CCDC125: variants seen among roughly 807,000 people sequenced by gnomAD.
CCDC125 encodes the protein coiled-coil domain-containing protein 125.
CCDC125 carries 43 observed loss-of-function variants against 57.4 expected under a neutral mutation model. That is an observed-to-expected ratio of 0.75 (90% CI 0.59 to 0.97). CCDC125 has a LOEUF of 0.97. CCDC125 is among the 50% of genes least tolerant of loss of function. The pLI is 0.00. For synonymous variants in CCDC125, 187 were observed against 195.2 expected, an observed-to-expected ratio of 0.96 and a Z score of 0.35; for missense variants, 563 against 595.7, an observed-to-expected ratio of 0.95 and a Z score of 0.57.
At chr5:69,295,682 C>G (rs1755189719) in intron 8 of CCDC125, among the ~76,000 whole-genome samples, 1 of 152,196 alleles carries the variant, frequency 6.6e-6, no homozygotes, top group African/African-American at 2.4e-5. Flanking sequence ...AACCCCATGG[C>G]TGTTACATCT....
At chr5:69,300,604 G>C (rs1213063868) in intron 7 of CCDC125, among the ~76,000 whole-genome samples, 2 of 152,148 alleles carry the variant, frequency 1.3e-5, no homozygotes, top group African/African-American at 4.8e-5. Flanking sequence ...CTGGAGAGCA[G>C]AAAACAGTAT....
At chr5:69,329,304 C>G (rs9791036) in intron 1 of CCDC125, among the ~76,000 whole-genome samples, 54,141 of 151,828 alleles carry the variant, frequency 0.36, 10,644 homozygotes, top group East Asian at 0.5. Context: ...GCTGGGACTA[C>G]AGGCATGTGC....
At chr5:69,276,069 G>A (rs1016225931), downstream of CCDC125, among the ~76,000 whole-genome samples, 7 of 151,918 alleles carry the variant, frequency 4.6e-5, no homozygotes, top group Non-Finnish European at 7.4e-5. Context: ...TTGCTCTGTC[G>A]CCCAGGCTGG....
chr5:69,305,790 A>C (rs1279310698), intron 6 of CCDC125, among the ~76,000 whole-genome samples: 1 of 152,114 alleles, frequency 6.6e-6, no homozygotes, highest in African/African-American at 2.4e-5. Context: ...GGGTGCTAAA[A>C]GCTCAGGACC....
chr5:69,306,667 A>T lies in CCDC125; in HGVS notation c.617+150T>A, dbSNP rs1757378337. 8 of 915,288 alleles carry T rather than the reference A, an allele frequency of 8.7e-6. No individual in the cohort carries two copies. The South Asian group carries it at 3.5e-4, about 40-fold the overall frequency. The allele number at this position is 915,288 out of a possible 1,614,324, so 56.7% of individuals were successfully genotyped here. A position where few individuals can be genotyped will look rare whatever the true frequency, so the allele number is the denominator to read the frequency against. ...TATTTTTTTTCTTTAAGGAAAATTA[A>T]CACTAACAAAAATATGCGACTAGTA... On this transcript the variant is annotated intron_variant, in intron 6 of 11. Transcript: ENST00000396496.
chr5:69,289,470 AAC>A (rs1754043807), intron 10 of CCDC125, among the ~76,000 whole-genome samples: 3 of 152,332 alleles, frequency 2.0e-5, no homozygotes, highest in Non-Finnish European at 4.4e-5. Flanking sequence ...AAAATCACCT[AAC>A]CTGGATTGAA....
chr5:69,313,031 C>G (rs1476889816), intron 3 of CCDC125, among the ~76,000 whole-genome samples: 2 of 151,726 alleles, frequency 1.3e-5, no homozygotes, highest in South Asian at 2.1e-4. Context: ...TACAAGTCAG[C>G]AGCAAGGGAA....
intron 7 of CCDC125, among the ~76,000 whole-genome samples, chr5:69,303,020 T>C (rs1047209237): frequency 1.3e-5 from 2 of 152,092 alleles, no homozygotes; most frequent in Non-Finnish European, 2.9e-5. Context: ...TGCCACTGAA[T>C]TGTTAACTTA....
At chr5:69,313,811 C>T (rs1758551802) in intron 3 of CCDC125, 174 bp downstream of exon 3, 2 of 820,542 alleles carry the variant, frequency 2.4e-6, no homozygotes, top group Non-Finnish European at 4.4e-6. Flanking sequence ...TGAAGACTTA[C>T]ACAACTTCAT....
intron 1 of CCDC125, among the ~76,000 whole-genome samples, chr5:69,322,560 CAAA>C (rs1009387749): frequency 6.8e-6 from 1 of 147,736 alleles, no homozygotes; most frequent in Admixed American, 6.8e-5. Context: ...CCTGTCTCTA[CAAA>C]AAAAAAATTT....
chr5:69,299,547 C>T (rs1270096891), intron 8 of CCDC125, among the ~76,000 whole-genome samples: 1 of 152,200 alleles, frequency 6.6e-6, no homozygotes, highest in African/African-American at 2.4e-5. Flanking sequence ...GATTTTTGTT[C>T]TGAACCTGGC....
intron 9 of CCDC125, among the ~76,000 whole-genome samples, chr5:69,293,863 T>C (rs1220490509): frequency 6.6e-6 from 1 of 152,180 alleles, no homozygotes. Context: ...ACTGTATTTG[T>C]AAGTAAAGAC....
chr5:69,298,303 C>T (rs1448496923), intron 8 of CCDC125, among the ~76,000 whole-genome samples: 2 of 152,294 alleles, frequency 1.3e-5, no homozygotes, highest in South Asian at 2.1e-4. Context: ...CGTGAGCCAC[C>T]GCGCCCGGCC....
chr5:69,299,432 A>G (rs1320659809), intron 8 of CCDC125, among the ~76,000 whole-genome samples: 3 of 152,208 alleles, frequency 2.0e-5, no homozygotes, highest in South Asian at 2.1e-4. Flanking sequence ...CAAGAAGTGC[A>G]TGGCTGCCCC....
chr5:69,328,797 C>CTT (rs779295171), intron 1 of CCDC125, among the ~76,000 whole-genome samples: 5 of 144,092 alleles, frequency 3.5e-5, no homozygotes, highest in Admixed American at 7.0e-5. Context: ...ATACGTTTGA[C>CTT]TTTTTTTTTT....
At chr5:69,307,848 G>T in intron 5 of CCDC125, 103 bp downstream of exon 5, 1 of 830,566 alleles carries the variant, frequency 1.2e-6, no homozygotes, top group Non-Finnish European at 2.0e-6. Flanking sequence ...ACACCTAGCA[G>T]AAGGTAGGCA....
At chr5:69,327,099 T>C (rs1372962325) in intron 1 of CCDC125, among the ~76,000 whole-genome samples, 1 of 85,182 alleles carries the variant, frequency 1.2e-5, no homozygotes, top group Non-Finnish European at 3.3e-5. Flanking sequence ...TCCCACTTTT[T>C]TTTTTTTTTT....
intron 9 of CCDC125, among the ~76,000 whole-genome samples, chr5:69,294,457 G>A (rs376389722): frequency 3.3e-5 from 5 of 152,090 alleles, no homozygotes; most frequent in South Asian, 2.1e-4. Flanking sequence ...ACAGGTGACC[G>A]CCACCATGCC....
intron 11 of CCDC125, among the ~76,000 whole-genome samples, chr5:69,283,679 C>T (rs1219653220): frequency 6.6e-6 from 1 of 151,644 alleles, no homozygotes; most frequent in Non-Finnish European, 1.5e-5. Context: ...TGCACCACCA[C>T]ACCTTGCTAA....
Sources: allele counts gnomAD v4.1 joint callset (sites outside exome capture counted in the v4.1 genomes callset), GRCh38; gene constraint gnomAD v4.1.1; transcripts MANE v1.5; gene names NCBI Gene and HGNC (gene_info 2026-07-23, HGNC 2026-07-21).